SH3RF1: variants seen among roughly 807,000 people sequenced by gnomAD.
SH3RF1 encodes the protein E3 ubiquitin-protein ligase SH3RF1.
SH3RF1 carries 32 observed loss-of-function variants against 74.0 expected under a neutral mutation model. That is an observed-to-expected ratio of 0.43 (90% CI 0.33 to 0.58). The LOEUF (loss-of-function observed/expected upper bound fraction) is 0.58. Among genes scored for constraint, SH3RF1 ranks in the 20% least tolerant of loss-of-function variants. The pLI is 0.05. For missense variants in SH3RF1, 954 were observed against 1,130.9 expected, an observed-to-expected ratio of 0.84 and a Z score of 2.24; for synonymous variants, 396 against 439.6, an observed-to-expected ratio of 0.90 and a Z score of 1.24.
chr4:169,269,384 T>A, intron 1 of SH3RF1, 77 bp from the exon 2 acceptor site: 2 of 664,736 alleles, frequency 3.0e-6, no homozygotes, highest in Non-Finnish European at 2.4e-6. Flanking sequence ...GAGCCAAGAA[T>A]CAAAAAGTAC....
intron 10 of SH3RF1, among the ~76,000 whole-genome samples, chr4:169,107,553 C>T (rs1733167353): frequency 6.6e-6 from 1 of 152,176 alleles, no homozygotes; most frequent in Non-Finnish European, 1.5e-5. Flanking sequence ...ATAAAACTCA[C>T]CCAACTCACA....
At chr4:169,246,222 C>CA (rs1488138609) in intron 2 of SH3RF1, among the ~76,000 whole-genome samples, 1 of 152,186 alleles carries the variant, frequency 6.6e-6, no homozygotes, top group Admixed American at 6.5e-5. Context: ...AAATAAGACT[C>CA]AGCTACAGTT....
At chr4:169,104,104 C>T (rs569266625) in intron 11 of SH3RF1, among the ~76,000 whole-genome samples, 42 of 152,222 alleles carry the variant, frequency 2.8e-4, no homozygotes, top group African/African-American at 7.9e-4. Flanking sequence ...ATGCAGAAGC[C>T]GTAGAGACTG....
In SH3RF1 at chr4:169,106,980, C is replaced by T. The variant is rs1320039060; in HGVS notation, c.2365G>A (p.Ala789Thr). The T allele has an allele frequency of 6.2e-7, 1 of 1,613,874 alleles. No individual in the cohort carries two copies. The highest frequency in any genetic ancestry group is 8.5e-7 in the Non-Finnish European group (1 of 1,179,988). Residue 789 changes from alanine (A) to threonine (T), a missense_variant, in exon 11 of 12, where the codon GCC (alanine) becomes ACC (threonine). By Grantham distance (58) the Ala-to-Thr change is moderately conservative. Coordinates refer to ENST00000284637, the MANE Select transcript of SH3RF1 (RefSeq NM_020870.4). ...CTATGAAAAGCATCCTGGGCCAGGG[C>T]TGCTCCTGCCACTGCAGTCGTGACC... ...GPVTTAVAGA[A>T]LAQDAFHRKA...
intron 2 of SH3RF1, among the ~76,000 whole-genome samples, chr4:169,252,442 A>C (rs902066914): frequency 5.3e-5 from 8 of 152,248 alleles, no homozygotes; most frequent in Non-Finnish European, 1.5e-5. Flanking sequence ...GAAAAGGGCT[A>C]TGAAAATTGC....
intron 4 of SH3RF1, among the ~76,000 whole-genome samples, chr4:169,153,156 T>C (rs1734000409): frequency 1.3e-5 from 2 of 152,008 alleles, no homozygotes; most frequent in Non-Finnish European, 2.9e-5. Flanking sequence ...GGTAGTTAGG[T>C]TCTTTTATTT....
At chr4:169,153,632 G>A (rs533214699) in intron 4 of SH3RF1, among the ~76,000 whole-genome samples, 7 of 152,116 alleles carry the variant, frequency 4.6e-5, no homozygotes, top group African/African-American at 1.7e-4. Flanking sequence ...TTCCCCTAAG[G>A]GCTAAACTAG....
chr4:169,240,205 C>CT (rs1284141314), intron 2 of SH3RF1, among the ~76,000 whole-genome samples: 8 of 150,032 alleles, frequency 5.3e-5, no homozygotes, highest in South Asian at 2.1e-4. Flanking sequence ...ATTTTTTTTT[C>CT]TTTTTTTTTG....
chr4:169,202,519 T>C (rs931992777), intron 2 of SH3RF1, among the ~76,000 whole-genome samples: 4 of 152,228 alleles, frequency 2.6e-5, no homozygotes, highest in Admixed American at 6.5e-5. Context: ...CAATGTATAA[T>C]GAATAAAAAC....
In SH3RF1 at chr4:169,269,093, G is replaced by A. The variant is rs1249148312; in HGVS notation, c.120C>T (p.Ile40=). ...HTFCKRCLLG[I]VGSRNELRCP... ...ATCTGAGTTCATTTCGAGAACCTAC[G>A]ATCCCCAGCAAACATCGCTTGCAAA... The change falls in exon 2 of 12, where the codon ATC becomes ATT. Residue 40 remains isoleucine (I), a synonymous_variant. Coordinates refer to ENST00000284637, the MANE Select transcript of SH3RF1 (RefSeq NM_020870.4). 6.2e-7 allele frequency: 1 copy of A among 1,613,994 alleles called. No homozygotes were observed. Among genetic ancestry groups the A allele is most frequent in the Non-Finnish European group, 8.5e-7 (1 of 1,180,034 alleles).
intron 5 of SH3RF1, 43 bp from the exon 6 acceptor site, chr4:169,130,199 A>G: frequency 7.7e-7 from 1 of 1,305,320 alleles, no homozygotes; most frequent in South Asian, 1.6e-5. Flanking sequence ...ACTATGTTTA[A>G]TACAACAGAA....
intron 2 of SH3RF1, among the ~76,000 whole-genome samples, chr4:169,180,235 C>T (rs566377547): frequency 2.0e-5 from 3 of 147,840 alleles, no homozygotes; most frequent in Non-Finnish European, 4.5e-5. Context: ...GGATTACCCA[C>T]GAAGAATAAA....
intron 2 of SH3RF1, chr4:169,217,248 G>A (rs548522597): frequency 6.6e-6 from 1 of 152,068 alleles, no homozygotes; most frequent in African/African-American, 2.4e-5. Context: ...TCAACACCCT[G>A]AGCTGGGTTG....
At chr4:169,257,069 A>G (rs1731203699) in intron 2 of SH3RF1, among the ~76,000 whole-genome samples, 1 of 152,222 alleles carries the variant, frequency 6.6e-6, no homozygotes, top group Non-Finnish European at 1.5e-5. Flanking sequence ...GCTCTTCATC[A>G]TTCTACAAAT....
At chr4:169,163,457 G>C (rs1028634264) in intron 2 of SH3RF1, among the ~76,000 whole-genome samples, 2 of 152,084 alleles carry the variant, frequency 1.3e-5, no homozygotes, top group Non-Finnish European at 2.9e-5. Context: ...GTGGGCTAAG[G>C]GGCATTGCTT....
At chr4:169,224,677 A>C (rs751004686) in intron 2 of SH3RF1, among the ~76,000 whole-genome samples, 9 of 152,238 alleles carry the variant, frequency 5.9e-5, no homozygotes, top group Admixed American at 2.0e-4. Context: ...GCTCCAGGGG[A>C]TAACAGTAGC....
At chr4:169,156,213 A>G (rs542877060) in intron 3 of SH3RF1, among the ~76,000 whole-genome samples, 191 bp downstream of exon 3, 65 of 152,362 alleles carry the variant, frequency 4.3e-4, no homozygotes, top group African/African-American at 1.5e-3. Context: ...AATCTTTCAT[A>G]TAAGAAGTCT....
chr4:169,203,712 T>A (rs1734948064), intron 2 of SH3RF1, among the ~76,000 whole-genome samples: 1 of 152,210 alleles, frequency 6.6e-6, no homozygotes, highest in Non-Finnish European at 1.5e-5. Flanking sequence ...CCTAGAACAG[T>A]ATCTGGTACA....
chr4:169,187,199 T>A (rs1257961990), intron 2 of SH3RF1, among the ~76,000 whole-genome samples: 1 of 152,130 alleles, frequency 6.6e-6, no homozygotes, highest in Admixed American at 6.5e-5. Flanking sequence ...TATATATGTA[T>A]GTATGTGCTG....
Sources: gnomAD v4.1 joint callset for allele counts (sites outside exome capture counted in the v4.1 genomes callset) on GRCh38, gnomAD v4.1.1 for gene constraint, MANE v1.5 for transcripts, NCBI Gene and HGNC (gene_info 2026-07-23, HGNC 2026-07-21) for gene names.